Variants in SASH1 observed in about 807,000 individuals in gnomAD.
The protein encoded by SASH1 is SAM and SH3 domain containing 1, also known as SAM and SH3 domain-containing protein 1.
In SASH1, 44 loss-of-function variants were observed where a neutral mutation model predicts 125.2. The observed-to-expected ratio is 0.35, with a 90% CI of 0.28 to 0.45. The LOEUF is 0.45. Ranked by LOEUF, SASH1 falls within the 20% of genes least tolerant of loss-of-function variation. The pLI, the probability that SASH1 is intolerant of heterozygous loss-of-function variation, is 1.00. For missense variants in SASH1, 1,426 were observed against 1,614.5 expected, an observed-to-expected ratio of 0.88 and a Z score of 2.00; for synonymous variants, 639 against 649.1, an observed-to-expected ratio of 0.98 and a Z score of 0.24.
chr6:148,290,119 C>T (rs1489348710), intron 1 of SASH1, among the ~76,000 whole-genome samples: 1 of 150,856 alleles, frequency 6.6e-6, no homozygotes, highest in Non-Finnish European at 1.5e-5. Context: ...CCGCCCACCT[C>T]GGCCTCCCAA....
intron 2 of SASH1, among the ~76,000 whole-genome samples, chr6:148,430,400 C>T (rs1351258846): frequency 6.6e-6 from 1 of 152,224 alleles, no homozygotes; most frequent in Non-Finnish European, 1.5e-5. Context: ...GGCGCCATCT[C>T]AGCTTGCTGC....
chr6:148,406,452 G>A (rs996389559), intron 2 of SASH1, among the ~76,000 whole-genome samples: 1 of 152,220 alleles, frequency 6.6e-6, no homozygotes, highest in African/African-American at 2.4e-5. Flanking sequence ...CTACTTGCCA[G>A]TATTCAAACT....
intron 18 of SASH1, 115 bp from the exon 19 acceptor site, chr6:148,545,900 C>G (rs1043187058): frequency 1.0e-4 from 106 of 1,011,856 alleles, no homozygotes; most frequent in Non-Finnish European, 1.4e-4. Context: ...ATGATCACAC[C>G]ACTGCACTCC....
chr6:148,295,175 G>C (rs910165257), intron 1 of SASH1, among the ~76,000 whole-genome samples: 4 of 152,122 alleles, frequency 2.6e-5, no homozygotes, highest in African/African-American at 9.7e-5. Flanking sequence ...AAGTAAACGA[G>C]TACCGGCATT....
At chr6:148,230,198 A>G in the SASH1 span, among the ~76,000 whole-genome samples, 1 of 152,172 alleles carries the variant, frequency 6.6e-6, no homozygotes, top group Non-Finnish European at 1.5e-5. Flanking sequence ...TTCACGCACC[A>G]CAATTCTTTG....
At chr6:148,418,600 C>T (rs538844735) in intron 2 of SASH1, among the ~76,000 whole-genome samples, 60 of 152,306 alleles carry the variant, frequency 3.9e-4, no homozygotes, top group Non-Finnish European at 8.1e-4. Context: ...GTCTTCTCTA[C>T]TCTTTCCTTT....
At chr6:148,439,390 G>A (rs954479520) in intron 2 of SASH1, among the ~76,000 whole-genome samples, 4 of 152,178 alleles carry the variant, frequency 2.6e-5, no homozygotes, top group African/African-American at 4.8e-5. Flanking sequence ...GATTTTTAAG[G>A]CTGCAAGATA....
chr6:148,269,583 T>G (rs1004433631), upstream of SASH1, among the ~76,000 whole-genome samples: 1 of 152,210 alleles, frequency 6.6e-6, no homozygotes, highest in African/African-American at 2.4e-5. Context: ...TTTTATACTT[T>G]CCTGTTCTTT....
intron 1 of SASH1, among the ~76,000 whole-genome samples, chr6:148,282,635 C>A (rs1351934636): frequency 2.0e-5 from 3 of 152,154 alleles, no homozygotes; most frequent in African/African-American, 4.8e-5. Flanking sequence ...CCGCCTCAGC[C>A]TCCCAAAGTC....
the SASH1 span, among the ~76,000 whole-genome samples, chr6:148,225,245 C>G: frequency 6.6e-6 from 1 of 152,140 alleles, no homozygotes; most frequent in Admixed American, 6.5e-5. Context: ...AGGTTATGGA[C>G]AGAGTTACAC....
chr6:148,361,577 G>T (rs893447558), intron 1 of SASH1, among the ~76,000 whole-genome samples: 1 of 150,302 alleles, frequency 6.7e-6, no homozygotes, highest in Non-Finnish European at 1.5e-5. Flanking sequence ...TCCAGCCTGG[G>T]CAACAAGAGT....
chr6:148,476,502 T>C (rs1286357697), intron 7 of SASH1, among the ~76,000 whole-genome samples: 2 of 152,004 alleles, frequency 1.3e-5, no homozygotes, highest in Non-Finnish European at 2.9e-5. Flanking sequence ...GCCAACATGG[T>C]GAAACCCCGT....
At position 148,489,850 on chromosome 6, in the gene SASH1, C is replaced by CTGTGTGTGTGTG. The variant is rs151183028; in HGVS notation, c.729+2161_729+2172dup. On this transcript the variant is annotated intron_variant, in intron 8 of 19. Transcript: ENST00000367467. ...TTGCTGAATTTATTAGCTATATAGG[C>CTGTGTGTGTGTG]TGTGTGTGTGTGTGTGTGTGTGTGT... Among the ~76,000 whole-genome samples the CTGTGTGTGTGTG allele has an allele frequency of 2.7e-3, 370 of 136,622 alleles. 3 individuals carry two copies. The highest frequency in any genetic ancestry group is 4.9e-3 in the South Asian group (20 of 4,086). The allele number at this position is 136,622 out of a possible 152,430, so 89.6% of individuals were successfully genotyped here. A position where few individuals can be genotyped will look rare whatever the true frequency, so the allele number is the denominator to read the frequency against.
intron 2 of SASH1, among the ~76,000 whole-genome samples, chr6:148,396,138 G>A (rs1481417784): frequency 1.3e-5 from 2 of 151,214 alleles, no homozygotes; most frequent in African/African-American, 4.9e-5. Context: ...TAAGGACTGG[G>A]AATGTCAATA....
intron 1 of SASH1, among the ~76,000 whole-genome samples, chr6:148,356,124 C>A (rs2114684741): frequency 6.6e-6 from 1 of 150,612 alleles, no homozygotes; most frequent in East Asian, 2.0e-4. Flanking sequence ...TTGCTCTATC[C>A]CCCAGGCTGG....
At chr6:148,210,448 G>C in the SASH1 span, among the ~76,000 whole-genome samples, 1 of 152,206 alleles carries the variant, frequency 6.6e-6, no homozygotes, top group Non-Finnish European at 1.5e-5. Flanking sequence ...CAGGAGAATT[G>C]CTTGGACCCA....
chr6:148,246,602 T>A, the SASH1 span, among the ~76,000 whole-genome samples: 1 of 152,190 alleles, frequency 6.6e-6, no homozygotes, highest in Non-Finnish European at 1.5e-5. Flanking sequence ...CAGATAGACA[T>A]AAAATAATAG....
At chr6:148,244,959 TGAGAGA>T in the SASH1 span, among the ~76,000 whole-genome samples, 218 of 119,212 alleles carry the variant, frequency 1.8e-3, 3 homozygotes, top group Middle Eastern at 4.6e-3. Context: ...TGTGTGTGTG[TGAGAGA>T]GAGAGAGAGA....
chr6:148,479,974 C>G (rs1778541204), intron 7 of SASH1: 1 of 154,194 alleles, frequency 6.5e-6, no homozygotes, highest in African/African-American at 2.4e-5. Context: ...GCTTTGTAGC[C>G]AGAGATGAAA....
Sources: gnomAD v4.1 joint callset for allele counts (sites outside exome capture counted in the v4.1 genomes callset) on GRCh38, gnomAD v4.1.1 for gene constraint, MANE v1.5 for transcripts, NCBI Gene and HGNC (gene_info 2026-07-23, HGNC 2026-07-21) for gene names.